Variants in SETD1A observed in about 807,000 individuals in gnomAD.
The protein encoded by SETD1A is histone-lysine N-methyltransferase SETD1A.
SETD1A carries 29 observed loss-of-function variants against 149.9 expected under a neutral mutation model. That is an observed-to-expected ratio of 0.19 (90% CI 0.14 to 0.26). The LOEUF (loss-of-function observed/expected upper bound fraction) is 0.26, where lower values mean the gene tolerates loss of function less well. Among genes scored for constraint, SETD1A ranks in the 10% least tolerant of loss-of-function variants. The pLI, the probability that SETD1A is intolerant of heterozygous loss-of-function variation, is 1.00. For synonymous variants in SETD1A, 1,141 were observed against 968.5 expected (o/e 1.18, Z -3.31); for missense variants, 2,109 against 2,353.1 (o/e 0.90, Z 2.15).
intron 13 of SETD1A, among the ~76,000 whole-genome samples, chr16:30,975,588 G>A (rs2056275716): frequency 6.7e-6 from 1 of 149,066 alleles, no homozygotes; most frequent in South Asian, 2.1e-4. Context: ...ACACTGCCAC[G>A]CCTGGCTAAT....
rs754415075 is a variant in SETD1A at position 30,969,372 on chromosome 16, A to G, written c.2838A>G (p.Glu946=). The part of the protein sequence containing the change: ...RPGTKPPKRD[E]ERGKTQGKHR... ...GGACCAAGCCCCCGAAGCGGGACGA[A>G]GAGCGAGGCAAGACCCAGGGCAAGC... Residue 946 remains glutamate (E), a synonymous_variant, in exon 11 of 19, where the codon GAA becomes GAG. Transcript: ENST00000262519. 6.2e-7 allele frequency: 1 copy of G among 1,614,104 alleles called. No individual in the cohort carries two copies. Among genetic ancestry groups the G allele is most frequent in the African/African-American group, 1.3e-5 (1 of 74,946 alleles).
At chr16:30,982,620 G>C (rs2056394751) in intron 17 of SETD1A, among the ~76,000 whole-genome samples, 1 of 152,188 alleles carries the variant, frequency 6.6e-6, no homozygotes, top group South Asian at 2.1e-4. Context: ...CCTGTGGTGA[G>C]AGAGGAGGAA....
chr16:30,960,695 T>G (rs1479119565), intron 3 of SETD1A, among the ~76,000 whole-genome samples: 2 of 151,052 alleles, frequency 1.3e-5, no homozygotes, highest in Non-Finnish European at 3.0e-5. Context: ...TCCACGTATA[T>G]TTATTCCTCA....
chr16:30,980,597 G>T lies in SETD1A; in HGVS notation c.4521G>T (p.Lys1507Asn). ...ACTACCCCATCAGCAAGAAGGAGAA[G>T]GACAAGTACCTGGACGTGTGCCCAG... ...EGYYPISKKE[K>N]DKYLDVCPVS... The change falls in exon 15 of 19, where the codon AAG (lysine) becomes AAT (asparagine). Residue 1507 changes from lysine to asparagine, a missense_variant. Coordinates refer to ENST00000262519, the MANE Select transcript of SETD1A (RefSeq NM_014712.3). The surrounding 1 kb of genome is among the most constrained non-coding windows in gnomAD (Gnocchi z 7.7). 1 of 1,614,056 alleles carries T rather than the reference G, an allele frequency of 6.2e-7. No homozygotes were observed. Among genetic ancestry groups the T allele is most frequent in the Non-Finnish European group, 8.5e-7 (1 of 1,180,034 alleles).
chr16:30,958,665 G>T, intron 1 of SETD1A, 52 bp from the exon 2 acceptor site: 1 of 1,495,600 alleles, frequency 6.7e-7, no homozygotes. Context: ...AAAGGCAGGG[G>T]AGTCAGGCCC....
Position 30,964,979 on chromosome 16 carries a change from C to T in SETD1A, c.1237C>T (p.Leu413=), listed in dbSNP as rs2143491557. The T allele has an allele frequency of 1.2e-6, 2 of 1,614,098 alleles. No homozygotes were observed. ...ERFPPSYTSY[L]PPEPSRPTDQ... ...CTTCCCACCTTCTTACACCTCCTACCTGCCCCCCGAGCCCAGCCGGCCCAC... is the reference window on the plus strand; with the variant it reads ...CTTCCCACCTTCTTACACCTCCTACTTGCCCCCCGAGCCCAGCCGGCCCAC... The change falls in exon 7 of 19, where the codon CTG becomes TTG. Residue 413 remains leucine (L), a synonymous_variant. Transcript: ENST00000262519.
rs547638692 is a variant in SETD1A at position 30,984,306 on chromosome 16, C to G, written c.*283C>G. The G allele has an allele frequency of 4.5e-6, 2 of 449,212 alleles. No homozygotes were observed. Among genetic ancestry groups the G allele is most frequent in the African/African-American group, 3.9e-5 (2 of 50,734 alleles). The allele number at this position is 449,212 out of a possible 1,614,324, so 27.8% of individuals were successfully genotyped here. A position where few individuals can be genotyped will look rare whatever the true frequency, so the allele number is the denominator to read the frequency against. On this transcript the variant is annotated 3_prime_UTR_variant, in exon 19 of 19. Transcript: ENST00000262519. ...TGTTTCCTGTGGAAACCTGGGGTGC[C>G]GGCCTGTACAGATTCTGTCCTGGGG... is the stretch of plus-strand genomic sequence containing the variant.
In SETD1A at chr16:30,967,607, AAGG is replaced by A. The variant is rs1226423520; in HGVS notation, c.2770+22_2770+24del. The A allele has an allele frequency of 1.2e-6, 2 of 1,607,382 alleles. No individual in the cohort carries two copies. The highest frequency in any genetic ancestry group is 1.7e-6 in the Non-Finnish European group (2 of 1,174,162). On this transcript the variant is annotated intron_variant, in intron 10 of 18. Transcript: ENST00000262519. ...GAAGACGGTGAGCAGGGTCAGGCAT[AAGG>A]AGAAGGGGTGTGCTGCGTGGGTTCT...
rs2056054955 is a variant in SETD1A at position 30,961,753 on chromosome 16, A to G, written c.517+216A>G. Reference sequence around the variant, plus strand: ...CAAGGTCGGGCAATAGGCCATAATCAAGCACATAACTATCTGTAAAAAAAA... The same window carrying G: ...CAAGGTCGGGCAATAGGCCATAATCGAGCACATAACTATCTGTAAAAAAAA... On this transcript the variant is annotated intron_variant, in intron 4 of 18. Transcript: ENST00000262519. The surrounding 1 kb of genome is among the most constrained non-coding windows in gnomAD (Gnocchi z 4.0). Among the ~76,000 whole-genome samples the G allele has an allele frequency of 1.3e-5, 2 of 152,082 alleles. No individual in the cohort carries two copies. The highest frequency in any genetic ancestry group is 2.9e-5 in the Non-Finnish European group (2 of 68,010).
rs2056147289 is a variant in SETD1A at position 30,966,353 on chromosome 16, C to T, written c.2472C>T (p.Asp824=). ...MVENVAFGAF[D]QWWESKEEKA... is the part of the protein sequence containing the mutation. ...AGAACGTGGCCTTCGGAGCCTTTGA[C>T]CAGTGGTGGGAGAGCAAGGAGGAGA... Residue 824 remains aspartate (D), a synonymous_variant, in exon 8 of 19, where the codon GAC becomes GAT. Coordinates refer to ENST00000262519, the MANE Select transcript of SETD1A (RefSeq NM_014712.3). The T allele has an allele frequency of 1.2e-5, 20 of 1,612,564 alleles. No homozygotes were observed. The highest frequency in any genetic ancestry group is 1.7e-5 in the Non-Finnish European group (20 of 1,179,222).
rs2056322452 is a variant in SETD1A at position 30,979,086 on chromosome 16, A to C, written c.3359-59A>C. 18 of 1,473,100 alleles carry C rather than the reference A, an allele frequency of 1.2e-5. No individual in the cohort carries two copies. The South Asian group carries it at 2.5e-4, about 21-fold the overall frequency. 91.3% of individuals were successfully genotyped at this position (1,473,100 alleles called of 1,614,324 possible). On this transcript the variant is annotated intron_variant, in intron 13 of 18. Coordinates refer to ENST00000262519, the MANE Select transcript of SETD1A (RefSeq NM_014712.3). Reference sequence around the variant, plus strand: ...ACACAGCCTGTGGTCATGGGCGGCCAGGGTGGCTGAGCCTGGGTCTCCCTG... The same window carrying C: ...ACACAGCCTGTGGTCATGGGCGGCCCGGGTGGCTGAGCCTGGGTCTCCCTG...
rs745545553 is a variant in SETD1A at position 30,965,824 on chromosome 16, C to A, written c.1943C>A (p.Pro648Gln). 8 of 1,600,996 alleles carry A rather than the reference C, an allele frequency of 5.0e-6. No homozygotes were observed. The highest frequency in any genetic ancestry group is 1.1e-5 in the South Asian group (1 of 89,280). The change falls in exon 8 of 19, where the codon CCA becomes CAA. Residue 648 changes from proline (P) to glutamine (Q), a missense_variant. Transcript: ENST00000262519. ...PDGPPPPEYP[P>Q]PPPPPPHIYD... Reference sequence around the variant, plus strand: ...GGGCCGCCGCCCCCTGAGTACCCCCCACCTCCTCCACCACCCCCGCACATC... The same window carrying A: ...GGGCCGCCGCCCCCTGAGTACCCCCAACCTCCTCCACCACCCCCGCACATC...
intron 17 of SETD1A, among the ~76,000 whole-genome samples, chr16:30,981,900 A>G (rs2056383154): frequency 6.6e-6 from 1 of 152,162 alleles, no homozygotes; most frequent in South Asian, 2.1e-4. Flanking sequence ...GCTGTGAGCC[A>G]AGATTGCACC....
intron 17 of SETD1A, among the ~76,000 whole-genome samples, chr16:30,981,796 C>A (rs750156439): frequency 1.3e-5 from 2 of 152,118 alleles, no homozygotes; most frequent in Admixed American, 6.6e-5. Context: ...GCAAAAAATA[C>A]AAAAGCTAGC....
Position 30,966,290 on chromosome 16 carries a change from G to A in SETD1A, c.2409G>A (p.Lys803=). 2 of 1,613,978 alleles carry A rather than the reference G, an allele frequency of 1.2e-6. No homozygotes were observed. The highest frequency in any genetic ancestry group is 1.3e-5 in the African/African-American group (1 of 75,072). ...RVLAMLVQEM[K]SIMQRDLNRK... ...TCGCCATGCTGGTCCAGGAGATGAA[G>A]AGCATCATGCAGCGAGACCTCAACC... Residue 803 remains lysine, a synonymous_variant, in exon 8 of 19, where the codon AAG becomes AAA. Transcript: ENST00000262519.
rs2056425602 is a variant in SETD1A, at chr16:30,984,328, G to A, written c.*305G>A. 1 of 393,764 alleles carries A rather than the reference G, an allele frequency of 2.5e-6. No homozygotes were observed. Among genetic ancestry groups the A allele is most frequent in the East Asian group, 5.1e-5 (1 of 19,572 alleles). 24.4% of individuals were successfully genotyped at this position (393,764 alleles called of 1,614,324 possible). A position where few individuals can be genotyped will look rare whatever the true frequency, so the allele number is the denominator to read the frequency against. On this transcript the variant is annotated 3_prime_UTR_variant, in exon 19 of 19. Coordinates refer to ENST00000262519, the MANE Select transcript of SETD1A (RefSeq NM_014712.3). ...TGCCGGCCTGTACAGATTCTGTCCTGGGGGGCTACACAGTCCTCTTGCTTT... is the reference window on the plus strand; with the variant it reads ...TGCCGGCCTGTACAGATTCTGTCCTAGGGGGCTACACAGTCCTCTTGCTTT...
intron 3 of SETD1A, among the ~76,000 whole-genome samples, chr16:30,960,578 C>T (rs1166788318): frequency 2.0e-5 from 3 of 152,172 alleles, no homozygotes; most frequent in African/African-American, 4.8e-5. Context: ...TGCTGCTTTT[C>T]TGTATGGGAA....
Position 30,966,000 on chromosome 16 carries a change from C to T in SETD1A, c.2119C>T (p.Pro707Ser), listed in dbSNP as rs757290473. ...KGLIAASAGP[P>S]GGAFGEAFLP... ...ATTGATTGCCGCCTCAGCTGGCCCC[C>T]CCGGTGGGGCCTTTGGGGAGGCCTT... The change falls in exon 8 of 19, where the codon CCC becomes TCC. Residue 707 changes from proline (P) to serine (S), a missense_variant. Pro to Ser is a moderately conservative substitution (Grantham distance 74). Coordinates refer to ENST00000262519, the MANE Select transcript of SETD1A (RefSeq NM_014712.3). 128 of 1,574,290 alleles carry T rather than the reference C, an allele frequency of 8.1e-5. No homozygotes were observed. Among genetic ancestry groups the T allele is most frequent in the Non-Finnish European group, 1.0e-4 (120 of 1,160,170 alleles).
Position 30,983,798 on chromosome 16 carries a change from G to T in SETD1A, c.4950+26G>T. The T allele has an allele frequency of 6.2e-7, 1 of 1,612,728 alleles. No homozygotes were observed. Among genetic ancestry groups the T allele is most frequent in the Non-Finnish European group, 8.5e-7 (1 of 1,178,990 alleles). On this transcript the variant is annotated intron_variant, in intron 18 of 18. Coordinates refer to ENST00000262519, the MANE Select transcript of SETD1A (RefSeq NM_014712.3). This position sits in a 1 kb window ranked among gnomAD's most constrained non-coding sequence, Gnocchi z 6.8. ...GTGCGCCAGGGGCCAGCCGGGGCAGGAGTTGGGGGTCGGTGGGGGTGGCCA... is the reference window on the plus strand; with the variant it reads ...GTGCGCCAGGGGCCAGCCGGGGCAGTAGTTGGGGGTCGGTGGGGGTGGCCA...
Sources: allele counts gnomAD v4.1 joint callset (sites outside exome capture counted in the v4.1 genomes callset), GRCh38; gene constraint gnomAD v4.1.1; non-coding constraint Gnocchi (gnomAD v3.1); transcripts MANE v1.5; gene names NCBI Gene and HGNC (gene_info 2026-07-23, HGNC 2026-07-21).